SPOCK3: variants seen among roughly 807,000 people sequenced by gnomAD.
The protein encoded by SPOCK3 is testican-3.
Under a neutral mutation model 56.6 loss-of-function variants are expected in SPOCK3, and 30 were observed. The observed-to-expected ratio is 0.53, with a 90% CI of 0.40 to 0.72. The LOEUF (loss-of-function observed/expected upper bound fraction) is 0.72, where lower values mean the gene tolerates loss of function less well. Among genes scored for constraint, SPOCK3 ranks in the 30% least tolerant of loss-of-function variants. The pLI is 0.00. For missense variants in SPOCK3, 527 were observed against 530.0 expected (o/e 0.99, Z 0.06); for synonymous variants, 196 against 183.3 (o/e 1.07, Z -0.56).
intron 4 of SPOCK3, among the ~76,000 whole-genome samples, chr4:166,948,387 T>C (rs1455031575): frequency 3.9e-5 from 6 of 152,184 alleles, no homozygotes; most frequent in Admixed American, 3.9e-4. Flanking sequence ...GTAGTAAGAT[T>C]GCTGGATCAT....
Position 167,062,293 on chromosome 4 carries a change from G to A in SPOCK3, c.235+199C>T, listed in dbSNP as rs189536649. ...TGTATCTAAAAATAAAAGACATCCT[G>A]ACATAATCATGATAACTAATTAGCT... On this transcript the variant is annotated intron_variant, in intron 3 of 10. Transcript: ENST00000357545. Among the ~76,000 whole-genome samples, 187 of 151,794 alleles carry A rather than the reference G, an allele frequency of 1.2e-3. 1 individual carries two copies. The highest frequency in any genetic ancestry group is 2.0e-3 in the Non-Finnish European group (136 of 67,786).
chr4:166,953,635 T>C (rs1326855917), intron 4 of SPOCK3, among the ~76,000 whole-genome samples: 1 of 152,130 alleles, frequency 6.6e-6, no homozygotes, highest in African/African-American at 2.4e-5. Flanking sequence ...CACATGCACA[T>C]GTATGTTTAT....
chr4:167,154,129 A>C (rs1412298211), intron 2 of SPOCK3, among the ~76,000 whole-genome samples: 2 of 152,164 alleles, frequency 1.3e-5, no homozygotes, highest in East Asian at 3.8e-4. Context: ...GTATGTTATT[A>C]TGTTCCTATA....
intron 6 of SPOCK3, among the ~76,000 whole-genome samples, chr4:166,822,597 AAC>A (rs777898268): frequency 2.6e-5 from 4 of 152,080 alleles, no homozygotes; most frequent in Non-Finnish European, 5.9e-5. Context: ...TGGATCGAAT[AAC>A]AGTCATTTTC....
intron 2 of SPOCK3, among the ~76,000 whole-genome samples, chr4:167,164,911 T>C (rs1245269172): frequency 1.3e-5 from 2 of 152,166 alleles, no homozygotes; most frequent in African/African-American, 4.8e-5. Context: ...AGTGTGCATG[T>C]GTCTTTATAG....
chr4:166,888,746 C>G (rs1734458113), intron 6 of SPOCK3, among the ~76,000 whole-genome samples: 1 of 151,924 alleles, frequency 6.6e-6, no homozygotes, highest in African/African-American at 2.4e-5. Context: ...ATTGACTGAG[C>G]AGTTGCAGAT....
At chr4:167,113,272 T>C (rs1192597151) in intron 2 of SPOCK3, among the ~76,000 whole-genome samples, 1 of 152,200 alleles carries the variant, frequency 6.6e-6, no homozygotes, top group Non-Finnish European at 1.5e-5. Context: ...TATAAATCTT[T>C]TTCTACACAG....
At chr4:167,047,462 T>A (rs559291444) in intron 3 of SPOCK3, among the ~76,000 whole-genome samples, 1 of 152,200 alleles carries the variant, frequency 6.6e-6, no homozygotes, top group Non-Finnish European at 1.5e-5. Flanking sequence ...AAATTATGAC[T>A]TTTAAATCAT....
chr4:166,875,825 A>C (rs1488440624), intron 6 of SPOCK3, among the ~76,000 whole-genome samples: 1 of 152,200 alleles, frequency 6.6e-6, no homozygotes, highest in Non-Finnish European at 1.5e-5. Context: ...TAGGCAGCAG[A>C]AAGCTGTGAT....
intron 3 of SPOCK3, among the ~76,000 whole-genome samples, chr4:167,015,049 A>G (rs1750482854): frequency 6.6e-6 from 1 of 152,082 alleles, no homozygotes; most frequent in African/African-American, 2.4e-5. Flanking sequence ...CCATGCAATC[A>G]GAAATAAACA....
At chr4:166,800,928 A>G (rs1742522514) in intron 6 of SPOCK3, among the ~76,000 whole-genome samples, 1 of 152,138 alleles carries the variant, frequency 6.6e-6, no homozygotes, top group Admixed American at 6.6e-5. Flanking sequence ...TAAACGTCCT[A>G]TATACATGTA....
intron 2 of SPOCK3, among the ~76,000 whole-genome samples, chr4:167,229,371 G>A (rs1168730277): frequency 6.6e-6 from 1 of 152,044 alleles, no homozygotes; most frequent in Non-Finnish European, 1.5e-5. Flanking sequence ...AGTACTGAGA[G>A]AGCATTCCTT....
intron 4 of SPOCK3, among the ~76,000 whole-genome samples, chr4:166,966,176 T>C (rs538533966): frequency 6.6e-6 from 1 of 152,240 alleles, no homozygotes; most frequent in East Asian, 1.9e-4. Context: ...AGCTCATTTC[T>C]TTTTAGAGCT....
intron 3 of SPOCK3, among the ~76,000 whole-genome samples, chr4:167,013,285 C>T (rs1750270525): frequency 6.6e-6 from 1 of 151,780 alleles, no homozygotes; most frequent in Non-Finnish European, 1.5e-5. Flanking sequence ...AATGCTATTA[C>T]AAGGCAGAAA....
At chr4:167,042,048 A>G (rs1753275781) in intron 3 of SPOCK3, among the ~76,000 whole-genome samples, 1 of 152,138 alleles carries the variant, frequency 6.6e-6, no homozygotes, top group Non-Finnish European at 1.5e-5. Context: ...CTCCTATTAG[A>G]ATTTTATTTA....
chr4:167,117,658 G>A (rs923145491), intron 2 of SPOCK3, among the ~76,000 whole-genome samples: 4 of 152,170 alleles, frequency 2.6e-5, no homozygotes, highest in African/African-American at 9.7e-5. Flanking sequence ...CAGAGCAGCA[G>A]GGTGGGAAGG....
At chr4:167,194,731 G>A (rs1355434193) in intron 2 of SPOCK3, among the ~76,000 whole-genome samples, 2 of 152,204 alleles carry the variant, frequency 1.3e-5, no homozygotes, top group Non-Finnish European at 2.9e-5. Context: ...GACTTAGGTA[G>A]TTGTGGATCC....
At chr4:166,746,027 C>T (rs192575873) in intron 8 of SPOCK3, among the ~76,000 whole-genome samples, 2 of 152,098 alleles carry the variant, frequency 1.3e-5, no homozygotes, top group Admixed American at 1.3e-4. Context: ...GACTCCCACA[C>T]AATAATAATG....
rs1580433653 is a variant in SPOCK3, at chr4:167,147,276, T to A, written c.190-84739A>T. ...CTAAACCAGGAGGAAGTCAAATCCCTGAATAGACCAACAAGTTCTGAAATT... is the reference window on the plus strand; with the variant it reads ...CTAAACCAGGAGGAAGTCAAATCCCAGAATAGACCAACAAGTTCTGAAATT... On this transcript the variant is annotated intron_variant, in intron 2 of 10. Transcript: ENST00000357545. Among the ~76,000 whole-genome samples, 4 of 152,128 alleles carry A rather than the reference T, an allele frequency of 2.6e-5. No homozygotes were observed. In the East Asian group the frequency reaches 5.8e-4, roughly 22 times the overall value.
Sources: gnomAD v4.1 joint callset for allele counts (sites outside exome capture counted in the v4.1 genomes callset) on GRCh38, gnomAD v4.1.1 for gene constraint, MANE v1.5 for transcripts, NCBI Gene and HGNC (gene_info 2026-07-23, HGNC 2026-07-21) for gene names.